RELN: variants seen among roughly 807,000 people sequenced by gnomAD.
RELN encodes reelin.
A neutral mutation model predicts 427.6 loss-of-function variants in RELN; 108 were observed. The ratio of observed to expected loss-of-function variants is 0.25; its 90% confidence interval spans 0.22 to 0.30. The LOEUF is 0.30. RELN is among the 10% of genes least tolerant of loss of function. The pLI is 1.00. For missense variants in RELN, 3,715 were observed against 4,302.8 expected (o/e 0.86, Z 3.82); for synonymous variants, 1,524 against 1,513.4 (o/e 1.01, Z -0.16).
At chr7:103,745,795 T>C (rs1790807701) in intron 6 of RELN, among the ~76,000 whole-genome samples, 1 of 152,062 alleles carries the variant, frequency 6.6e-6, no homozygotes, top group Non-Finnish European at 1.5e-5. Flanking sequence ...GAACATTCCA[T>C]GCTCATGGGT....
intron 31 of RELN, among the ~76,000 whole-genome samples, chr7:103,570,208 C>T (rs1584305188): frequency 6.6e-6 from 1 of 152,280 alleles, no homozygotes; most frequent in East Asian, 1.9e-4. Context: ...CAGAAAATAG[C>T]ACTTGTAAAC....
chr7:103,749,172 G>A (rs1413653076), intron 6 of RELN, among the ~76,000 whole-genome samples: 2 of 151,414 alleles, frequency 1.3e-5, no homozygotes, highest in African/African-American at 4.9e-5. Flanking sequence ...TCTATGTAAG[G>A]ATATTGCAAA....
chr7:103,512,498 A>C (rs1829450807), intron 50 of RELN, among the ~76,000 whole-genome samples: 1 of 152,188 alleles, frequency 6.6e-6, no homozygotes, highest in Admixed American at 6.6e-5. Context: ...CTTTGAGGAA[A>C]TGTACTCATC....
At chr7:103,524,353 C>G (rs373944331) in intron 46 of RELN, among the ~76,000 whole-genome samples, 7 of 152,090 alleles carry the variant, frequency 4.6e-5, no homozygotes, top group African/African-American at 1.7e-4. Context: ...AAAGAGAGAG[C>G]ATAATAAATG....
intron 29 of RELN, among the ~76,000 whole-genome samples, chr7:103,575,065 T>C (rs2535773): frequency 0.52 from 79,435 of 152,012 alleles, 20,945 homozygotes; most frequent in African/African-American, 0.59. Context: ...CAGCATGTGG[T>C]TAAGAGCTTG....
At chr7:103,486,452 A>G in intron 60 of RELN, 36 bp from the exon 61 acceptor site, 4 of 1,484,830 alleles carry the variant, frequency 2.7e-6, no homozygotes, top group Non-Finnish European at 3.8e-6. Flanking sequence ...AATTAAGTGG[A>G]CCAACCAGAG....
chr7:103,819,293 G>A (rs537455965), intron 3 of RELN, among the ~76,000 whole-genome samples: 1 of 151,850 alleles, frequency 6.6e-6, no homozygotes, highest in Admixed American at 6.6e-5. Context: ...TCTAAACTAA[G>A]ACATTTTGCA....
chr7:103,505,058 G>T (rs938968492), intron 51 of RELN, among the ~76,000 whole-genome samples: 145 of 152,318 alleles, frequency 9.5e-4, no homozygotes, highest in African/African-American at 3.3e-3. Context: ...AAAAAAGGCA[G>T]CAGCCCCAGT....
At chr7:103,591,709 T>C (rs1235758888) in intron 27 of RELN, among the ~76,000 whole-genome samples, 1 of 152,202 alleles carries the variant, frequency 6.6e-6, no homozygotes, top group Non-Finnish European at 1.5e-5. Flanking sequence ...TTTGCCATGA[T>C]TGCTGTTGTT....
chr7:103,890,997 G>A (rs912779698), intron 2 of RELN, among the ~76,000 whole-genome samples: 4 of 152,078 alleles, frequency 2.6e-5, no homozygotes, highest in Non-Finnish European at 4.4e-5. Flanking sequence ...GAGGAGAATC[G>A]CTTGAATCTG....
chr7:103,825,798 A>G (rs1201669193), intron 3 of RELN, among the ~76,000 whole-genome samples: 1 of 152,148 alleles, frequency 6.6e-6, no homozygotes, highest in African/African-American at 2.4e-5. Context: ...AATTTTAATG[A>G]ATTCAAACTT....
chr7:103,849,372 T>TA (rs1793759690), intron 2 of RELN, among the ~76,000 whole-genome samples: 1 of 152,178 alleles, frequency 6.6e-6, no homozygotes. Context: ...ATTTCAGGCT[T>TA]TCATTACCTC....
intron 6 of RELN, among the ~76,000 whole-genome samples, chr7:103,741,538 A>C (rs1790655937): frequency 6.6e-6 from 1 of 151,948 alleles, no homozygotes; most frequent in Non-Finnish European, 1.5e-5. Flanking sequence ...CAAATATATC[A>C]CAAGAGAAAA....
chr7:103,491,850 TCTCTCTCACACACACACA>T (rs1298398098), intron 58 of RELN, 85 bp downstream of exon 58: 115 of 510,644 alleles, frequency 2.3e-4, no homozygotes, highest in Non-Finnish European at 3.1e-4. Context: ...TCTCTCTCTC[TCTCTCTCACACACACACA>T]CACACACACA....
intron 4 of RELN, among the ~76,000 whole-genome samples, chr7:103,775,836 G>T (rs1791724000): frequency 6.6e-6 from 1 of 152,134 alleles, no homozygotes. Context: ...GTCCCTTAAG[G>T]CATAGTCCCC....
intron 6 of RELN, among the ~76,000 whole-genome samples, chr7:103,738,044 C>T (rs496801): frequency 0.22 from 32,711 of 150,358 alleles, 4,681 homozygotes; most frequent in African/African-American, 0.41. Flanking sequence ...CTGATCTCTG[C>T]TGAGTAGGAC....
At chr7:103,782,004 T>C (rs1791902885) in intron 3 of RELN, among the ~76,000 whole-genome samples, 1 of 152,160 alleles carries the variant, frequency 6.6e-6, no homozygotes, top group Non-Finnish European at 1.5e-5. Context: ...CCAAGTTTCT[T>C]AAACACGTTT....
At chr7:103,610,869 A>C in intron 21 of RELN, 62 bp from the exon 22 acceptor site, 6 of 872,888 alleles carry the variant, frequency 6.9e-6, no homozygotes, top group Non-Finnish European at 1.2e-5. Flanking sequence ...AAATATGTCT[A>C]CTCACCCACT....
intron 5 of RELN, among the ~76,000 whole-genome samples, chr7:103,750,621 T>C (rs1251168638): frequency 6.6e-6 from 1 of 152,210 alleles, no homozygotes; most frequent in Non-Finnish European, 1.5e-5. Flanking sequence ...TCAGCTAAAA[T>C]TGCTGTAATC....
Sources: gnomAD v4.1 joint callset for allele counts (sites outside exome capture counted in the v4.1 genomes callset) on GRCh38, gnomAD v4.1.1 for gene constraint, MANE v1.5 for transcripts, NCBI Gene and HGNC (gene_info 2026-07-23, HGNC 2026-07-21) for gene names.